The following RTN4R variants were observed in gnomAD, a reference collection of about 807,000 sequenced individuals.
The protein encoded by RTN4R is reticulon-4 receptor.
In RTN4R, 4 loss-of-function variants were observed where a neutral mutation model predicts 27.7. The ratio of observed to expected loss-of-function variants is 0.14; its 90% CI spans 0.07 to 0.33. The LOEUF (loss-of-function observed/expected upper bound fraction) is 0.33. Ranked by LOEUF, RTN4R falls within the 10% of genes least tolerant of loss-of-function variation. RTN4R has a pLI of 1.00. For missense variants in RTN4R, 554 were observed against 671.5 expected (o/e 0.83, Z 1.93); for synonymous variants, 290 against 305.6 (o/e 0.95, Z 0.53).
chr22:20,241,943 G>T lies in RTN4R; in HGVS notation c.1190C>A (p.Ala397Glu). 6.2e-7 allele frequency: 1 copy of T among 1,608,474 alleles called. No homozygotes were observed. Reference sequence around the variant, plus strand: ...TGGCTCGGAGCCCTCGGGCCGCACTGCAGTGAGCGGGGGCTCAGCAGAGCC... The same window carrying T: ...TGGCTCGGAGCCCTCGGGCCGCACTTCAGTGAGCGGGGGCTCAGCAGAGCC... The part of the protein sequence containing the change: ...LPGSAEPPLT[A>E]VRPEGSEPPG... Residue 397 changes from alanine to glutamate, a missense_variant, in exon 2 of 2, where the codon GCA (alanine) becomes GAA (glutamate). Ala to Glu is a moderately radical substitution (Grantham distance 107, BLOSUM62 -1). This residue lies in a region of RTN4R where 141 missense variants were observed against 129.2 expected (regional missense o/e 1.09). Transcript: ENST00000043402.
At chr22:20,253,003 G>A (rs574270552) in intron 1 of RTN4R, among the ~76,000 whole-genome samples, 1 of 152,304 alleles carries the variant, frequency 6.6e-6, no homozygotes, top group East Asian at 1.9e-4. Flanking sequence ...CCTCGTCTCA[G>A]GTGAGGAGTC....
chr22:20,242,638 C>A lies in RTN4R; in HGVS notation c.495G>T (p.Ala165=). The A allele has an allele frequency of 6.2e-7, 1 of 1,611,688 alleles. No individual in the cohort carries two copies. Among genetic ancestry groups the A allele is most frequent in the Non-Finnish European group, 8.5e-7 (1 of 1,179,600 alleles). The change falls in exon 2 of 2, where the codon GCG becomes GCT. Residue 165 remains alanine, a synonymous_variant. Transcript: ENST00000043402. ...ALQYLYLQDN[A]LQALPDDTFR... ...AGGTGTCATCAGGCAGTGCCTGCAGCGCGTTGTCCTGCAGGTAGAGGTACT... is the reference window on the plus strand; with the variant it reads ...AGGTGTCATCAGGCAGTGCCTGCAGAGCGTTGTCCTGCAGGTAGAGGTACT...
Position 20,242,888 on chromosome 22 carries a change from T to G in RTN4R, c.245A>C (p.Asn82Thr). ...CGAGTGCAGCCACAGGATGGTGAGGTTGCGGCAGGCACGGAAGCTGGCAGC... is the reference window on the plus strand; with the variant it reads ...CGAGTGCAGCCACAGGATGGTGAGGGTGCGGCAGGCACGGAAGCTGGCAGC... ...VPAASFRACR[N>T]LTILWLHSNV... Residue 82 changes from asparagine (N) to threonine (T), a missense_variant, in exon 2 of 2, where the codon AAC (asparagine) becomes ACC (threonine). Physicochemically the swap from Asn to Thr is moderately conservative, Grantham distance 65. Around this residue, in one of 2 missense-constraint regions of RTN4R, gnomAD observed 413 missense variants for 542.3 expected, o/e 0.76. Coordinates refer to ENST00000043402, the MANE Select transcript of RTN4R (RefSeq NM_023004.6). The G allele has an allele frequency of 6.2e-7, 1 of 1,611,720 alleles. No homozygotes were observed. Among genetic ancestry groups the G allele is most frequent in the Non-Finnish European group, 8.5e-7 (1 of 1,179,486 alleles).
At chr22:20,249,229 G>C in intron 1 of RTN4R, 1 of 532,926 alleles carries the variant, frequency 1.9e-6, no homozygotes, top group Non-Finnish European at 3.9e-6. Context: ...GCAAGTGACC[G>C]GTGGCCGGCC....
Position 20,242,622 on chromosome 22 carries a change from C to G in RTN4R, c.511G>C (p.Asp171His). The change falls in exon 2 of 2, where the codon GAT becomes CAT. Residue 171 changes from aspartate (D) to histidine (H), a missense_variant. By Grantham distance (81) the Asp-to-His change is moderately conservative (BLOSUM62 -1). Coordinates refer to ENST00000043402, the MANE Select transcript of RTN4R (RefSeq NM_023004.6). Reference sequence around the variant, plus strand: ...TTGCCCAGGTCGCGGAAGGTGTCATCAGGCAGTGCCTGCAGCGCGTTGTCC... The same window carrying G: ...TTGCCCAGGTCGCGGAAGGTGTCATGAGGCAGTGCCTGCAGCGCGTTGTCC... The part of the protein sequence containing the change: ...LQDNALQALP[D>H]DTFRDLGNLT... 6.2e-7 allele frequency: 1 copy of G among 1,612,708 alleles called. No individual in the cohort carries two copies. Among genetic ancestry groups the G allele is most frequent in the Non-Finnish European group, 8.5e-7 (1 of 1,179,840 alleles).
intron 1 of RTN4R, among the ~76,000 whole-genome samples, chr22:20,258,201 C>T (rs890884139): frequency 1.7e-4 from 26 of 152,226 alleles, no homozygotes; most frequent in African/African-American, 6.0e-4. Context: ...CAGCACCACC[C>T]GGGGCTCTGT....
chr22:20,243,070 C>G lies in RTN4R; in HGVS notation c.63G>C (p.Trp21Cys). The change falls in exon 2 of 2, where the codon TGG (tryptophan) becomes TGC (cysteine). Residue 21 changes from tryptophan to cysteine, a missense_variant. By Grantham distance (215) the Trp-to-Cys change is radical (BLOSUM62 -2). This residue lies in a region of RTN4R where 413 missense variants were observed against 542.3 expected (regional missense o/e 0.76). Transcript: ENST00000043402. ...LLAWVLWLQA[W>C]QVAAPCPGAC... is the part of the protein sequence containing the mutation. ...CACCTGGGCATGGGGCTGCCACCTG[C>G]CAGGCCTGCAGCCACAGCACCCATG... The G allele has an allele frequency of 6.2e-7, 1 of 1,600,430 alleles. No individual in the cohort carries two copies. The highest frequency in any genetic ancestry group is 2.2e-5 in the East Asian group (1 of 44,876).
intron 1 of RTN4R, among the ~76,000 whole-genome samples, chr22:20,257,575 TCA>T (rs930785276): frequency 3.3e-5 from 5 of 152,348 alleles, no homozygotes; most frequent in African/African-American, 1.2e-4. Context: ...CACCCTGATC[TCA>T]GACTTCCAGC....
rs374742465 is a variant in RTN4R, at chr22:20,242,575, G to A, written c.558C>T (p.His186=). ...CGGGCACGCTGGAGATGCGGTTGCCGTGCAGGAAGAGGTGTGTGAGGTTGC... is the reference window on the plus strand; with the variant it reads ...CGGGCACGCTGGAGATGCGGTTGCCATGCAGGAAGAGGTGTGTGAGGTTGC... ...DLGNLTHLFL[H]GNRISSVPER... The change falls in exon 2 of 2, where the codon CAC becomes CAT. Residue 186 remains histidine, a synonymous_variant. Coordinates refer to ENST00000043402, the MANE Select transcript of RTN4R (RefSeq NM_023004.6). 2.0e-4 allele frequency: 327 copies of A among 1,613,434 alleles called. 1 individual carries two copies. The highest frequency in any genetic ancestry group is 1.4e-3 in the South Asian group (128 of 91,080).
chr22:20,253,040 G>A (rs886975357), intron 1 of RTN4R, among the ~76,000 whole-genome samples: 7 of 152,138 alleles, frequency 4.6e-5, no homozygotes, highest in South Asian at 2.1e-4. Flanking sequence ...AGCTCACAGC[G>A]TCCCAGAGCC....
intron 1 of RTN4R, chr22:20,243,493 G>C: frequency 2.0e-6 from 1 of 508,844 alleles, no homozygotes; most frequent in South Asian, 1.5e-5. Context: ...AGGAGTCCCC[G>C]GGGGGTCCCA....
intron 1 of RTN4R, among the ~76,000 whole-genome samples, chr22:20,265,240 G>C (rs547107392): frequency 3.9e-5 from 6 of 152,318 alleles, no homozygotes; most frequent in South Asian, 2.1e-4. Flanking sequence ...GGCAGAGGGA[G>C]GGGGAGAGCA....
intron 1 of RTN4R, chr22:20,243,501 C>T (rs923680846): frequency 6.0e-6 from 3 of 502,274 alleles, no homozygotes; most frequent in Non-Finnish European, 8.0e-6. Flanking sequence ...CCGGGGGGTC[C>T]CAGTGGGGGT....
chr22:20,244,179 G>A (rs2051126850), intron 1 of RTN4R, among the ~76,000 whole-genome samples: 1 of 152,250 alleles, frequency 6.6e-6, no homozygotes, highest in South Asian at 2.1e-4. Context: ...TGCGTTGACA[G>A]CTAACACCTT....
Position 20,268,023 on chromosome 22 carries a change from C to A in RTN4R, c.22+48G>T, listed in dbSNP as rs1337729508. 15 of 1,128,036 alleles carry A rather than the reference C, an allele frequency of 1.3e-5. 1 individual carries two copies. The South Asian group carries it at 6.0e-4, about 45-fold the overall frequency. 69.9% of individuals were successfully genotyped at this position (1,128,036 alleles called of 1,614,324 possible). ...TCCGGGGAGGGGGCGAGCCGCCCCC[C>A]TCCGCGCCCCGCCGCCGGCCGGGCT... On this transcript the variant is annotated intron_variant, in intron 1 of 1. Coordinates refer to ENST00000043402, the MANE Select transcript of RTN4R (RefSeq NM_023004.6).
chr22:20,264,953 G>A (rs1280601326), intron 1 of RTN4R, among the ~76,000 whole-genome samples: 1 of 152,202 alleles, frequency 6.6e-6, no homozygotes, highest in Non-Finnish European at 1.5e-5. Flanking sequence ...GCTCACACAC[G>A]CATTTGTTCA....
chr22:20,263,624 G>T (rs1031995411), intron 1 of RTN4R, among the ~76,000 whole-genome samples: 1 of 152,228 alleles, frequency 6.6e-6, no homozygotes, highest in African/African-American at 2.4e-5. Context: ...CTCACTCCCA[G>T]ATCAGCCCAG....
intron 1 of RTN4R, among the ~76,000 whole-genome samples, chr22:20,256,043 T>A (rs1569039993): frequency 1.3e-5 from 2 of 152,246 alleles, no homozygotes; most frequent in Non-Finnish European, 2.9e-5. Context: ...GTTGTCGGCT[T>A]CTCATCCACG....
At chr22:20,263,518 C>A (rs1201014860) in intron 1 of RTN4R, among the ~76,000 whole-genome samples, 2 of 152,248 alleles carry the variant, frequency 1.3e-5, no homozygotes, top group East Asian at 3.8e-4. Flanking sequence ...CCCGTGACAG[C>A]CAGCTAAGAA....
Sources: gnomAD v4.1 joint callset for allele counts (sites outside exome capture counted in the v4.1 genomes callset) on GRCh38, gnomAD v4.1.1 for gene constraint, gnomAD v4.1.1 regional missense constraint, MANE v1.5 for transcripts, NCBI Gene and HGNC (gene_info 2026-07-23, HGNC 2026-07-21) for gene names.